The following CPEB3 variants were observed in gnomAD, a reference collection of about 807,000 sequenced individuals.
CPEB3 encodes cytoplasmic polyadenylation element-binding protein 3.
Under a neutral mutation model 67.2 loss-of-function variants are expected in CPEB3, and 20 were observed. The observed-to-expected ratio is 0.30, with a 90% CI of 0.21 to 0.43. CPEB3 has a LOEUF of 0.43. Among genes scored for constraint, CPEB3 ranks in the 20% least tolerant of loss-of-function variants. CPEB3 has a pLI of 1.00. For missense variants in CPEB3, 746 were observed against 968.6 expected (o/e 0.77, Z 3.05); for synonymous variants, 376 against 393.1 (o/e 0.96, Z 0.51).
intron 6 of CPEB3, among the ~76,000 whole-genome samples, chr10:92,113,443 G>A (rs1411036858): frequency 2.6e-5 from 4 of 152,092 alleles, no homozygotes; most frequent in Non-Finnish European, 2.9e-5. Flanking sequence ...ACAAAGAGGA[G>A]GTCTCAGCAG....
chr10:92,255,496 G>A (rs371798463), intron 1 of CPEB3, among the ~76,000 whole-genome samples: 17 of 152,134 alleles, frequency 1.1e-4, no homozygotes, highest in East Asian at 9.6e-4. Context: ...GCCTTCCCAA[G>A]ATTCCAGGCT....
chr10:92,243,863 T>C (rs1851950340), intron 1 of CPEB3, among the ~76,000 whole-genome samples: 1 of 152,180 alleles, frequency 6.6e-6, no homozygotes, highest in Admixed American at 6.5e-5. Context: ...ACCAGATTTC[T>C]TGTATTTTAG....
intron 6 of CPEB3, among the ~76,000 whole-genome samples, chr10:92,142,039 C>CAAAAAAAAAA (rs546901334): frequency 2.1e-4 from 24 of 115,070 alleles, no homozygotes; most frequent in East Asian, 5.1e-4. Flanking sequence ...CAAATAAAAA[C>CAAAAAAAAAA]AAAAAAAAAA....
At chr10:92,069,472 C>A (rs189015842) in intron 9 of CPEB3, among the ~76,000 whole-genome samples, 9 of 151,624 alleles carry the variant, frequency 5.9e-5, no homozygotes, top group African/African-American at 2.2e-4. Flanking sequence ...GGTGTGATCT[C>A]GGCTCACTGC....
chr10:92,192,478 T>C lies in CPEB3; in HGVS notation c.1164A>G (p.Ala388=). The C allele has an allele frequency of 1.2e-6, 2 of 1,611,846 alleles. No homozygotes were observed. The highest frequency in any genetic ancestry group is 8.5e-7 in the Non-Finnish European group (1 of 1,179,358). ...AATGGACATATGAATATTCCTAACC[T>C]GCAAAATGATTCCTCCACATTATAT... ...FADIMWRNHF[A]GRMGINFHHP... Residue 388 remains alanine, a splice_region_variant and synonymous_variant, in exon 3 of 10, where the codon GCA becomes GCG. Transcript: ENST00000265997.
chr10:92,184,683 T>G (rs1354251399), intron 3 of CPEB3, among the ~76,000 whole-genome samples: 1 of 152,106 alleles, frequency 6.6e-6, no homozygotes, highest in African/African-American at 2.4e-5. Flanking sequence ...ATAATCTAAT[T>G]TTTCCCCCAA....
intron 6 of CPEB3, among the ~76,000 whole-genome samples, chr10:92,125,613 A>G (rs1845575915): frequency 6.6e-6 from 1 of 152,174 alleles, no homozygotes; most frequent in Non-Finnish European, 1.5e-5. Flanking sequence ...TGGAGATGGA[A>G]TATTTTCCCA....
intron 6 of CPEB3, among the ~76,000 whole-genome samples, chr10:92,129,295 A>G (rs968554687): frequency 1.3e-5 from 2 of 152,176 alleles, no homozygotes; most frequent in African/African-American, 4.8e-5. Context: ...ATGAGAACAC[A>G]TGGACACATA....
chr10:92,154,887 T>C (rs1847131241), intron 4 of CPEB3, among the ~76,000 whole-genome samples: 1 of 152,208 alleles, frequency 6.6e-6, no homozygotes, highest in African/African-American at 2.4e-5. Flanking sequence ...AACTTTCACA[T>C]ATATTACATT....
At chr10:92,223,650 CGCAACCTCCGCCTTCTGGGTTCAA>C (rs1384558327) in intron 2 of CPEB3, among the ~76,000 whole-genome samples, 1 of 149,770 alleles carries the variant, frequency 6.7e-6, no homozygotes, top group Non-Finnish European at 1.5e-5. Flanking sequence ...CTCGGATCAC[CGCAACCTCCGCCTTCTGGGTTCAA>C]GCTATTCTCC....
chr10:92,145,458 G>A (rs181805107), intron 4 of CPEB3, among the ~76,000 whole-genome samples: 1,651 of 151,992 alleles, frequency 0.011, 14 homozygotes, highest in Non-Finnish European at 0.019. Context: ...GCAAAACCCC[G>A]TCTCTACTAA....
At chr10:92,118,986 C>T (rs1487680764) in intron 6 of CPEB3, 89 of 1,512,588 alleles carry the variant, frequency 5.9e-5, no homozygotes, top group Non-Finnish European at 8.2e-5. Flanking sequence ...CTGGGGCCAG[C>T]ACTGATCCAC....
At chr10:92,242,609 A>G (rs568015901) in intron 1 of CPEB3, among the ~76,000 whole-genome samples, 1 of 152,314 alleles carries the variant, frequency 6.6e-6, no homozygotes, top group African/African-American at 2.4e-5. Context: ...TATAATTTTA[A>G]TATCACTCTG....
chr10:92,055,229 GCTTGGTAA>G (rs1842066580), intron 9 of CPEB3, among the ~76,000 whole-genome samples: 2 of 152,232 alleles, frequency 1.3e-5, no homozygotes, highest in Admixed American at 6.5e-5. Context: ...TTCCAACTAA[GCTTGGTAA>G]CAATGCTCCT....
intron 2 of CPEB3, among the ~76,000 whole-genome samples, chr10:92,232,882 C>T (rs999835036): frequency 3.9e-5 from 6 of 152,124 alleles, no homozygotes; most frequent in East Asian, 1.9e-4. Context: ...TACTAACTCA[C>T]GACAAGGTCA....
chr10:92,177,544 G>C (rs1848277062), intron 4 of CPEB3, among the ~76,000 whole-genome samples: 5 of 152,294 alleles, frequency 3.3e-5, no homozygotes, highest in African/African-American at 1.2e-4. Flanking sequence ...AAAATCAGTA[G>C]ACTCTTTGGT....
At chr10:92,250,869 T>G (rs1486690414) in intron 1 of CPEB3, among the ~76,000 whole-genome samples, 1 of 145,448 alleles carries the variant, frequency 6.9e-6, no homozygotes, top group Non-Finnish European at 1.5e-5. Flanking sequence ...TTTTTTTTTT[T>G]TTTTTTTTTT....
intron 4 of CPEB3, among the ~76,000 whole-genome samples, chr10:92,161,374 C>A (rs938570038): frequency 3.3e-5 from 5 of 151,680 alleles, no homozygotes; most frequent in African/African-American, 1.2e-4. Flanking sequence ...TGGATTCAAC[C>A]GATTCTCCTG....
chr10:92,095,705 T>C (rs1843841160), intron 7 of CPEB3, among the ~76,000 whole-genome samples: 1 of 150,430 alleles, frequency 6.6e-6, no homozygotes, highest in South Asian at 2.1e-4. Context: ...TTGTGGAGAG[T>C]ATAAATAAAA....
Sources: allele counts gnomAD v4.1 joint callset (sites outside exome capture counted in the v4.1 genomes callset), GRCh38; gene constraint gnomAD v4.1.1; transcripts MANE v1.5; gene names NCBI Gene and HGNC (gene_info 2026-07-23, HGNC 2026-07-21).